The following CSMD1 variants were observed in gnomAD, a reference collection of about 807,000 sequenced individuals.
CSMD1 encodes the protein CUB and sushi domain-containing protein 1.
Under a neutral mutation model 417.5 loss-of-function variants are expected in CSMD1, and 213 were observed. That is an observed-to-expected ratio of 0.51 (90% CI 0.46 to 0.57). The LOEUF (loss-of-function observed/expected upper bound fraction) is 0.57, where lower values mean the gene tolerates loss of function less well. Among genes scored for constraint, CSMD1 ranks in the 20% least tolerant of loss-of-function variants. The probability of loss-of-function intolerance (pLI) is 0.00; values close to 1 mark genes in which losing one functional copy is unlikely to be tolerated. For missense variants in CSMD1, 6,923 were observed against 4,529.7 expected (o/e 1.53, Z -15.17); for synonymous variants, 2,862 against 1,736.8 (o/e 1.65, Z -16.11).
chr8:4,090,894 G>C (rs1249766477), intron 3 of CSMD1, among the ~76,000 whole-genome samples: 1 of 151,668 alleles, frequency 6.6e-6, no homozygotes, highest in Non-Finnish European at 1.5e-5. Flanking sequence ...TACATTATTA[G>C]TAACATAAGG....
intron 51 of CSMD1, among the ~76,000 whole-genome samples, chr8:3,025,331 G>A (rs1318652671): frequency 1.3e-5 from 2 of 151,046 alleles, no homozygotes; most frequent in South Asian, 2.1e-4. Context: ...ACCGTGTATT[G>A]TGTGCTGTTA....
intron 2 of CSMD1, among the ~76,000 whole-genome samples, chr8:4,578,009 G>A (rs1799218382): frequency 6.6e-6 from 1 of 152,144 alleles, no homozygotes. Flanking sequence ...CACATATTTG[G>A]TGGACCCAGG....
intron 2 of CSMD1, among the ~76,000 whole-genome samples, chr8:4,536,817 G>A (rs528603810): frequency 3.9e-5 from 6 of 152,222 alleles, no homozygotes; most frequent in African/African-American, 1.4e-4. Flanking sequence ...TTAACATGCG[G>A]CCAAATTTCC....
At chr8:3,423,509 T>C (rs1258652970) in intron 12 of CSMD1, among the ~76,000 whole-genome samples, 1 of 152,196 alleles carries the variant, frequency 6.6e-6, no homozygotes, top group Non-Finnish European at 1.5e-5. Flanking sequence ...TATCAGTAGT[T>C]ATGAACTTTT....
chr8:4,716,151 G>A (rs767409722), intron 1 of CSMD1, among the ~76,000 whole-genome samples: 1 of 152,174 alleles, frequency 6.6e-6, no homozygotes, highest in Non-Finnish European at 1.5e-5. Flanking sequence ...GAGCCAGGCT[G>A]ACTTCACACT....
intron 5 of CSMD1, among the ~76,000 whole-genome samples, chr8:3,791,221 C>A (rs1799721581): frequency 6.6e-6 from 1 of 152,178 alleles, no homozygotes; most frequent in Admixed American, 6.5e-5. Context: ...TAAACTTCCA[C>A]CACCAAAATG....
chr8:4,453,560 C>G (rs748165642), intron 2 of CSMD1, among the ~76,000 whole-genome samples: 1 of 152,180 alleles, frequency 6.6e-6, no homozygotes, highest in Admixed American at 6.5e-5. Flanking sequence ...ACTTGGGCCA[C>G]ATGACTGGCT....
At chr8:3,315,437 A>AGTATGTGTGTGTGT (rs1554512189) in intron 23 of CSMD1, among the ~76,000 whole-genome samples, 23 of 124,056 alleles carry the variant, frequency 1.9e-4, no homozygotes, top group Non-Finnish European at 3.8e-4. Flanking sequence ...AGGTGAAGTG[A>AGTATGTGTGTGTGT]GTGTGTGTGT....
intron 29 of CSMD1, among the ~76,000 whole-genome samples, chr8:3,215,611 G>C (rs1797835675): frequency 6.6e-6 from 1 of 152,150 alleles, no homozygotes. Flanking sequence ...TTCTTCCCAA[G>C]TAAAAATACA....
intron 3 of CSMD1, among the ~76,000 whole-genome samples, chr8:4,201,678 C>T (rs963984507): frequency 2.7e-5 from 4 of 150,902 alleles, no homozygotes; most frequent in Non-Finnish European, 4.4e-5. Flanking sequence ...ATAATTTACT[C>T]AAGTGTTATA....
intron 5 of CSMD1, among the ~76,000 whole-genome samples, chr8:3,774,070 G>A (rs1584977770): frequency 6.6e-6 from 1 of 152,196 alleles, no homozygotes; most frequent in East Asian, 1.9e-4. Flanking sequence ...CTAAAATACA[G>A]GCTGAGTCAT....
intron 25 of CSMD1, among the ~76,000 whole-genome samples, chr8:3,294,172 A>G (rs1425004744): frequency 6.6e-6 from 1 of 152,144 alleles, no homozygotes; most frequent in African/African-American, 2.4e-5. Context: ...CTGCTGTCTG[A>G]TCATTCCTCT....
chr8:4,836,686 C>T (rs953653058), intron 1 of CSMD1, among the ~76,000 whole-genome samples: 4 of 152,074 alleles, frequency 2.6e-5, no homozygotes, highest in African/African-American at 4.8e-5. Flanking sequence ...TTATTCATCT[C>T]GTCGCTTCCA....
intron 1 of CSMD1, among the ~76,000 whole-genome samples, chr8:4,744,918 A>G (rs1810858248): frequency 1.3e-5 from 2 of 152,216 alleles, no homozygotes; most frequent in Admixed American, 6.5e-5. Flanking sequence ...TATGTATAAA[A>G]ATCCAAATCA....
At position 4,077,291 on chromosome 8, in the gene CSMD1, A is replaced by ATGGG. The variant is rs1264202207; in HGVS notation, c.416-45193_416-45192insCCCA. Among the ~76,000 whole-genome samples, 203 of 92,262 alleles carry ATGGG rather than the reference A, an allele frequency of 2.2e-3. 1 individual carries two copies. The highest frequency in any genetic ancestry group is 6.8e-3 in the African/African-American group (193 of 28,564). 60.5% of individuals were successfully genotyped at this position (92,262 alleles called of 152,430 possible). A position where few individuals can be genotyped will look rare whatever the true frequency, so the allele number is the denominator to read the frequency against. On this transcript the variant is annotated intron_variant, in intron 3 of 69. Coordinates refer to ENST00000635120, the MANE Select transcript of CSMD1 (RefSeq NM_033225.6). The stretch of plus-strand genomic sequence containing the variant: ...GCCCATTTGTCACCTATATATATAT[A>ATGGG]TATGTGTATATATATATATATATAT...
intron 12 of CSMD1, among the ~76,000 whole-genome samples, chr8:3,456,638 C>G: frequency 6.6e-6 from 1 of 152,100 alleles, no homozygotes; most frequent in East Asian, 1.9e-4. Flanking sequence ...TCCTAGTGGA[C>G]GTGTTTCAGT....
At chr8:4,177,725 C>G (rs1368134926) in intron 3 of CSMD1, among the ~76,000 whole-genome samples, 1 of 149,696 alleles carries the variant, frequency 6.7e-6, no homozygotes, top group African/African-American at 2.5e-5. Flanking sequence ...CAAATAGATG[C>G]AATAAAAAAT....
intron 3 of CSMD1, among the ~76,000 whole-genome samples, chr8:4,130,774 G>C (rs1352348510): frequency 1.6e-4 from 24 of 151,632 alleles, no homozygotes; most frequent in Admixed American, 1.6e-3. Context: ...ATTTTTCTTT[G>C]TAACAAAATC....
At chr8:4,797,519 C>A (rs1328640365) in intron 1 of CSMD1, among the ~76,000 whole-genome samples, 2 of 152,198 alleles carry the variant, frequency 1.3e-5, no homozygotes, top group African/African-American at 2.4e-5. Flanking sequence ...AATGCAAAAA[C>A]CACAATTCCT....
Sources: gnomAD v4.1 joint callset for allele counts (sites outside exome capture counted in the v4.1 genomes callset) on GRCh38, gnomAD v4.1.1 for gene constraint, MANE v1.5 for transcripts, NCBI Gene and HGNC (gene_info 2026-07-23, HGNC 2026-07-21) for gene names.